VPS13B: variants seen among roughly 807,000 people sequenced by gnomAD.
VPS13B encodes intermembrane lipid transfer protein VPS13B.
VPS13B carries 285 observed loss-of-function variants against 426.4 expected under a neutral mutation model. That is an observed-to-expected ratio of 0.67 (90% CI 0.61 to 0.74). The LOEUF is 0.74. Among genes scored for constraint, VPS13B ranks in the 30% least tolerant of loss-of-function variants. The probability of loss-of-function intolerance (pLI) is 0.00; values close to 1 mark genes in which losing one functional copy is unlikely to be tolerated. For synonymous variants in VPS13B, 1,676 were observed against 1,676.4 expected (o/e 1.00, Z 0.01); for missense variants, 4,537 against 4,782.6 (o/e 0.95, Z 1.51).
intron 35 of VPS13B, among the ~76,000 whole-genome samples, chr8:99,665,596 T>G (rs1265254570): frequency 1.3e-5 from 2 of 152,136 alleles, no homozygotes; most frequent in African/African-American, 4.8e-5. Context: ...CATTGCTTGT[T>G]TTTGTCAGGT....
At chr8:99,182,847 G>T (rs148525744) in intron 16 of VPS13B, among the ~76,000 whole-genome samples, 4 of 152,132 alleles carry the variant, frequency 2.6e-5, no homozygotes, top group Non-Finnish European at 4.4e-5. Flanking sequence ...AGAGATTCCC[G>T]GGCCTCAGCC....
intron 19 of VPS13B, among the ~76,000 whole-genome samples, chr8:99,302,934 T>A (rs1820441516): frequency 6.6e-6 from 1 of 152,242 alleles, no homozygotes; most frequent in African/African-American, 2.4e-5. Context: ...CCAACCTAAG[T>A]TGGGGACCAT....
intron 12 of VPS13B, among the ~76,000 whole-genome samples, chr8:99,141,437 C>T (rs1313590789): frequency 1.3e-5 from 2 of 152,198 alleles, no homozygotes; most frequent in East Asian, 3.9e-4. Flanking sequence ...ATTTTTATTG[C>T]TTTTTGAGTA....
At chr8:99,360,176 T>TCTCTCTC (rs1812453863) in intron 19 of VPS13B, among the ~76,000 whole-genome samples, 1 of 42,200 alleles carries the variant, frequency 2.4e-5, no homozygotes, top group Non-Finnish European at 4.3e-5. Flanking sequence ...CTTTCTTTCT[T>TCTCTCTC]TCTTTCTTTC....
intron 16 of VPS13B, among the ~76,000 whole-genome samples, chr8:99,176,891 A>C (rs969799959): frequency 2.0e-5 from 3 of 152,196 alleles, no homozygotes; most frequent in Admixed American, 2.0e-4. Context: ...TGGTTTGACA[A>C]TTTTAGAAAG....
intron 20 of VPS13B, among the ~76,000 whole-genome samples, chr8:99,390,210 G>C (rs1205770923): frequency 1.3e-5 from 2 of 151,086 alleles, no homozygotes; most frequent in Admixed American, 1.3e-4. Context: ...CCATTCTCCT[G>C]CCTCAGCCTC....
intron 19 of VPS13B, among the ~76,000 whole-genome samples, chr8:99,378,146 C>CCCT (rs1491418842): frequency 8.4e-6 from 1 of 118,658 alleles, no homozygotes; most frequent in East Asian, 2.9e-4. Context: ...CCCCCCCCCC[C>CCCT]GGAATGCATT....
intron 33 of VPS13B, among the ~76,000 whole-genome samples, chr8:99,595,298 A>C (rs1274129746): frequency 6.6e-6 from 1 of 151,968 alleles, no homozygotes; most frequent in Non-Finnish European, 1.5e-5. Context: ...ATGAAATAGA[A>C]TTGAGAGTTC....
At chr8:99,290,173 G>T (rs574535228) in intron 19 of VPS13B, among the ~76,000 whole-genome samples, 13 of 152,112 alleles carry the variant, frequency 8.5e-5, no homozygotes, top group Non-Finnish European at 1.3e-4. Context: ...GTAGTTCATT[G>T]ATGGAGACGT....
chr8:99,393,450 TA>T (rs1814558062), intron 21 of VPS13B, among the ~76,000 whole-genome samples: 1 of 152,150 alleles, frequency 6.6e-6, no homozygotes, highest in African/African-American at 2.4e-5. Flanking sequence ...ACACATTTTT[TA>T]AATTTTAAAT....
chr8:99,252,080 C>T (rs1817534135), intron 17 of VPS13B, among the ~76,000 whole-genome samples: 1 of 150,768 alleles, frequency 6.6e-6, no homozygotes, highest in African/African-American at 2.4e-5. Context: ...TTGTTGATTT[C>T]TGCTATCTTT....
At chr8:99,189,951 G>A (rs2132719651) in intron 16 of VPS13B, among the ~76,000 whole-genome samples, 1 of 152,202 alleles carries the variant, frequency 6.6e-6, no homozygotes, top group East Asian at 1.9e-4. Flanking sequence ...ATGTCAGTTA[G>A]GCCAAGTTGA....
At chr8:99,058,316 A>G (rs1843994069) in intron 3 of VPS13B, among the ~76,000 whole-genome samples, 1 of 151,750 alleles carries the variant, frequency 6.6e-6, no homozygotes, top group Admixed American at 6.6e-5. Context: ...TGTTTTAGAA[A>G]ATATAGCTAT....
chr8:99,670,048 G>C (rs931192121), intron 35 of VPS13B, among the ~76,000 whole-genome samples: 1 of 152,032 alleles, frequency 6.6e-6, no homozygotes, highest in Admixed American at 6.6e-5. Context: ...TGAATATAAA[G>C]TAGAAATTTT....
intron 57 of VPS13B, among the ~76,000 whole-genome samples, chr8:99,860,344 C>T (rs1816773364): frequency 6.6e-6 from 1 of 152,158 alleles, no homozygotes; most frequent in South Asian, 2.1e-4. Flanking sequence ...GAAAAGGACA[C>T]TCCCCCAGGC....
At chr8:99,214,257 A>T (rs987980058) in intron 17 of VPS13B, among the ~76,000 whole-genome samples, 62 of 152,170 alleles carry the variant, frequency 4.1e-4, no homozygotes, top group African/African-American at 1.4e-3. Flanking sequence ...TTTATCCTAC[A>T]ATGGTAGGGT....
At chr8:99,806,810 G>A (rs1813424703) in intron 43 of VPS13B, among the ~76,000 whole-genome samples, 1 of 152,172 alleles carries the variant, frequency 6.6e-6, no homozygotes. Context: ...GGTCCAACAA[G>A]AACAAAACCT....
chr8:99,685,204 T>C (rs1480037993), intron 35 of VPS13B, among the ~76,000 whole-genome samples: 1 of 152,276 alleles, frequency 6.6e-6, no homozygotes, highest in Non-Finnish European at 1.5e-5. Context: ...TTTTAATTGC[T>C]TTTGAAACTG....
intron 19 of VPS13B, among the ~76,000 whole-genome samples, chr8:99,372,926 A>AGT (rs1813274128): frequency 6.6e-6 from 1 of 152,226 alleles, no homozygotes. Context: ...AATGCCCATC[A>AGT]GTGATAGACT....
Sources: allele counts gnomAD v4.1 joint callset (sites outside exome capture counted in the v4.1 genomes callset), GRCh38; gene constraint gnomAD v4.1.1; transcripts MANE v1.5; gene names NCBI Gene and HGNC (gene_info 2026-07-23, HGNC 2026-07-21).